ACTR8: variants seen among roughly 807,000 people sequenced by gnomAD.
ACTR8 encodes actin-related protein 8.
ACTR8 carries 70 observed loss-of-function variants against 84.3 expected under a neutral mutation model. The observed-to-expected ratio is 0.83, with a 90% CI of 0.68 to 1.01. The LOEUF (loss-of-function observed/expected upper bound fraction) is 1.01. ACTR8 is among the 50% of genes least tolerant of loss of function. The probability of loss-of-function intolerance (pLI) is 0.00; values close to 1 mark genes in which losing one functional copy is unlikely to be tolerated. For missense variants in ACTR8, 672 were observed against 775.4 expected (o/e 0.87, Z 1.58); for synonymous variants, 268 against 275.2 (o/e 0.97, Z 0.26).
chr3:53,879,878 G>A (rs1018090027), intron 2 of ACTR8, 61 bp downstream of exon 2: 3 of 1,445,310 alleles, frequency 2.1e-6, no homozygotes, highest in African/African-American at 2.8e-5. Context: ...TGGTGTACTT[G>A]TGTCTAAGCC....
chr3:53,878,636 A>G (rs780332418), intron 2 of ACTR8, among the ~76,000 whole-genome samples, 169 bp from the exon 3 acceptor site: 6 of 152,244 alleles, frequency 3.9e-5, no homozygotes, highest in Non-Finnish European at 5.9e-5. Context: ...TAGCCTGGGC[A>G]ACATGGCAAA....
Position 53,868,760 on chromosome 3 carries a change from C to CA in ACTR8, c.1833dup (p.Gly612TrpfsTer41). On this transcript the variant is annotated frameshift_variant, in exon 13 of 13. Coordinates refer to ENST00000335754, the MANE Select transcript of ACTR8 (RefSeq NM_022899.5). LOFTEE classifies it high-confidence loss of function. The stretch of plus-strand genomic sequence containing the variant: ...GCCCGCTCTCGTAACATGCGGACAC[C>CA]AAAGCGCTGCCACTCTCGCTGATAA... 6.2e-7 allele frequency: 1 copy of CA among 1,614,218 alleles called. No homozygotes were observed. Among genetic ancestry groups the CA allele is most frequent in the South Asian group, 1.1e-5 (1 of 91,088 alleles).
chr3:53,877,077 CA>C, intron 5 of ACTR8, 136 bp downstream of exon 5: 1 of 756,414 alleles, frequency 1.3e-6, no homozygotes, highest in Non-Finnish European at 1.9e-6. Flanking sequence ...AAGACATCCT[CA>C]TGCCACCAAG....
the ACTR8 span, chr3:53,860,183 G>A: frequency 6.2e-7 from 1 of 1,614,064 alleles, no homozygotes; most frequent in East Asian, 2.2e-5. Flanking sequence ...TCTGCTGGTG[G>A]CCACATGGGT....
intron 1 of ACTR8, chr3:53,881,706 G>T: frequency 1.9e-6 from 1 of 540,010 alleles, no homozygotes; most frequent in South Asian, 2.0e-5. Context: ...GCCAGAGCCC[G>T]GGCAGGAGCG....
At chr3:53,871,586 C>A (rs554497377) in intron 10 of ACTR8, 90 bp from the exon 11 acceptor site, 2 of 1,460,368 alleles carry the variant, frequency 1.4e-6, no homozygotes, top group East Asian at 2.3e-5. Context: ...TACCCTACTA[C>A]TATAAAACAA....
intron 6 of ACTR8, among the ~76,000 whole-genome samples, 200 bp from the exon 7 acceptor site, chr3:53,876,280 A>T (rs1206274584): frequency 6.6e-6 from 1 of 152,100 alleles, no homozygotes; most frequent in Non-Finnish European, 1.5e-5. Flanking sequence ...GCACTTTGGG[A>T]GGCCAAGGTG....
rs774000099 is a variant in ACTR8, at chr3:53,874,243, G to T, written c.1033C>A (p.His345Asn). Residue 345 changes from histidine (H) to asparagine (N), a missense_variant, in exon 8 of 13, where the codon CAC becomes AAC. Coordinates refer to ENST00000335754, the MANE Select transcript of ACTR8 (RefSeq NM_022899.5). ...TNKMDCLLLQ[H>N]LKETFCHLDQ... is the part of the protein sequence containing the mutation. ...AAATGACAAAAAGTTTCTTTAAGGT[G>T]TTGCAGAAGAAGACAATCCATTTTA... The T allele has an allele frequency of 6.2e-7, 1 of 1,614,004 alleles. No individual in the cohort carries two copies. Among genetic ancestry groups the T allele is most frequent in the Non-Finnish European group, 8.5e-7 (1 of 1,179,986 alleles).
At position 53,879,995 on chromosome 3, in the gene ACTR8, T is replaced by C; in HGVS notation, c.238A>G (p.Lys80Glu). 6.2e-7 allele frequency: 1 copy of C among 1,614,182 alleles called. No homozygotes were observed. Among genetic ancestry groups the C allele is most frequent in the Non-Finnish European group, 8.5e-7 (1 of 1,180,010 alleles). ...TTGTATAGGGGCTGCCCTTGTTGTT[T>C]GTGTCTTCGGGCAATGACGTGAGGA... The part of the protein sequence containing the change: ...SIPHVIARRH[K>E]QQGQPLYKDS... The change falls in exon 2 of 13, where the codon AAA becomes GAA. Residue 80 changes from lysine (K) to glutamate (E), a missense_variant. By Grantham distance (56) the Lys-to-Glu change is moderately conservative (BLOSUM62 1). Transcript: ENST00000335754.
At chr3:53,865,466 G>A (rs978821857), downstream of ACTR8, 7 of 571,000 alleles carry the variant, frequency 1.2e-5, no homozygotes, top group African/African-American at 1.3e-4. Flanking sequence ...GCTAACTAAT[G>A]TAGCATTAAC....
chr3:53,875,915 G>GA, intron 7 of ACTR8, 33 bp downstream of exon 7: 9 of 1,613,388 alleles, frequency 5.6e-6, no homozygotes, highest in Non-Finnish European at 6.8e-6. Flanking sequence ...GAGGGAAGAG[G>GA]AAACAGGGAA....
intron 5 of ACTR8, among the ~76,000 whole-genome samples, 178 bp from the exon 6 acceptor site, chr3:53,876,891 T>TG (rs1303622565): frequency 9.9e-4 from 1 of 1,008 alleles, no homozygotes; most frequent in African/African-American, 5.1e-3. Flanking sequence ...AATGCTCAAG[T>TG]GTTTTTTTTT....
chr3:53,862,424 A>G (rs899031363), downstream of ACTR8, among the ~76,000 whole-genome samples: 1 of 152,246 alleles, frequency 6.6e-6, no homozygotes, highest in African/African-American at 2.4e-5. Context: ...CATGAAAGCC[A>G]TCAAGCCTGA....
At chr3:53,862,565 C>T (rs920422275), downstream of ACTR8, among the ~76,000 whole-genome samples, 6 of 152,100 alleles carry the variant, frequency 3.9e-5, no homozygotes, top group Admixed American at 6.6e-5. Flanking sequence ...TTTCAAGATA[C>T]GGATCTTGGA....
chr3:53,877,568 A>T (rs2107070613), intron 4 of ACTR8, 79 bp downstream of exon 4: 1 of 1,456,492 alleles, frequency 6.9e-7, no homozygotes, highest in East Asian at 2.3e-5. Context: ...AACAACTAGG[A>T]CTGGGTGGCA....
intron 5 of ACTR8, 24 bp downstream of exon 5, chr3:53,877,190 A>C: frequency 6.4e-7 from 1 of 1,572,316 alleles, no homozygotes; most frequent in East Asian, 2.3e-5. Context: ...AAAACAATCC[A>C]AATAACTGAG....
At chr3:53,863,677 A>G (rs568546318), downstream of ACTR8, among the ~76,000 whole-genome samples, 2 of 152,142 alleles carry the variant, frequency 1.3e-5, no homozygotes, top group Non-Finnish European at 2.9e-5. Context: ...TGGGAACTAT[A>G]AAGAAACTCT....
chr3:53,868,506 G>A lies in ACTR8; in HGVS notation c.*213C>T. The A allele has an allele frequency of 1.6e-6, 1 of 620,748 alleles. No individual in the cohort carries two copies. The highest frequency in any genetic ancestry group is 2.7e-6 in the Non-Finnish European group (1 of 376,902). 38.5% of individuals were successfully genotyped at this position (620,748 alleles called of 1,614,324 possible). A position where few individuals can be genotyped will look rare whatever the true frequency, so the allele number is the denominator to read the frequency against. Reference sequence around the variant, plus strand: ...AAGAGAGTTTACAACTGAAGAGAAAGTTCCTATTTATTCTCAAATGCCCTG... The same window carrying A: ...AAGAGAGTTTACAACTGAAGAGAAAATTCCTATTTATTCTCAAATGCCCTG... On this transcript the variant is annotated 3_prime_UTR_variant, in exon 13 of 13. Coordinates refer to ENST00000335754, the MANE Select transcript of ACTR8 (RefSeq NM_022899.5).
At chr3:53,864,733 T>C (rs375951282), downstream of ACTR8, 699 of 1,576,680 alleles carry the variant, frequency 4.4e-4, 1 homozygote, top group Non-Finnish European at 5.7e-4. Flanking sequence ...CAAATGCTTT[T>C]CTCCTCTCAC....
Sources: gnomAD v4.1 joint callset for allele counts (sites outside exome capture counted in the v4.1 genomes callset) on GRCh38, gnomAD v4.1.1 for gene constraint, MANE v1.5 for transcripts, NCBI Gene and HGNC (gene_info 2026-07-23, HGNC 2026-07-21) for gene names.